The following MAP4K4 variants were observed in gnomAD, a reference collection of about 807,000 sequenced individuals.
MAP4K4 encodes the protein mitogen-activated protein kinase kinase kinase kinase 4.
Under a neutral mutation model 189.6 loss-of-function variants are expected in MAP4K4, and 38 were observed. The ratio of observed to expected loss-of-function variants is 0.20; its 90% confidence interval spans 0.15 to 0.26. The LOEUF (loss-of-function observed/expected upper bound fraction) is 0.26. Ranked by LOEUF, MAP4K4 falls within the 10% of genes least tolerant of loss-of-function variation. MAP4K4 has a pLI of 1.00. For missense variants in MAP4K4, 1,054 were observed against 1,726.9 expected (o/e 0.61, Z 6.91); for synonymous variants, 610 against 624.3 (o/e 0.98, Z 0.34).
At chr2:101,863,768 A>C in intron 16 of MAP4K4, 53 bp from the exon 17 acceptor site, 1 of 1,254,790 alleles carries the variant, frequency 8.0e-7, no homozygotes, top group Non-Finnish European at 1.1e-6. Context: ...TGACCAGAAA[A>C]GCCAGTTTTA....
chr2:101,792,411 C>T (rs1392765777), intron 3 of MAP4K4, among the ~76,000 whole-genome samples: 2 of 152,116 alleles, frequency 1.3e-5, no homozygotes, highest in East Asian at 1.9e-4. Context: ...GGTCAGGATA[C>T]GTCCTCTTTC....
At chr2:101,792,607 C>G (rs1008881253) in intron 3 of MAP4K4, among the ~76,000 whole-genome samples, 1 of 142,406 alleles carries the variant, frequency 7.0e-6, no homozygotes, top group East Asian at 2.0e-4. Flanking sequence ...TCTCCTCCTC[C>G]TCCTCCTCCT....
At chr2:101,698,447 T>A (rs780370584) in intron 1 of MAP4K4, 26 bp from the exon 2 acceptor site, 1 of 1,601,842 alleles carries the variant, frequency 6.2e-7, no homozygotes. Context: ...TTTTAAATGA[T>A]AACCCCTCCC....
At chr2:101,892,909 C>T (rs1477015440) in exon 33 of MAP4K4, 1 of 456,414 alleles carries the variant, frequency 2.2e-6, no homozygotes, top group Non-Finnish European at 4.4e-6. Context: ...TTACTTTCCT[C>T]TTGTCGAGTT....
At chr2:101,840,659 T>C (rs550796615) in intron 10 of MAP4K4, among the ~76,000 whole-genome samples, 7 of 152,362 alleles carry the variant, frequency 4.6e-5, no homozygotes, top group African/African-American at 1.4e-4. Flanking sequence ...CTGAGGCTGC[T>C]AGCTCACATT....
rs1465408748 is a variant in MAP4K4 at position 101,831,649 on chromosome 2, G to A, written c.509-72G>A. ...TACTATGAAGACATTTCCTCCTTGT[G>A]TTTTTTCCCAAGTATATCTGGTTTG... On this transcript the variant is annotated intron_variant, in intron 6 of 32. Transcript: ENST00000324219. 10 of 1,498,476 alleles carry A rather than the reference G, an allele frequency of 6.7e-6. No individual in the cohort carries two copies. The East Asian group carries it at 2.4e-4, about 37-fold the overall frequency. The allele number at this position is 1,498,476 out of a possible 1,614,324, so 92.8% of individuals were successfully genotyped here. A position where few individuals can be genotyped will look rare whatever the true frequency, so the allele number is the denominator to read the frequency against.
At chr2:101,886,370 A>G (rs887596765) in intron 29 of MAP4K4, among the ~76,000 whole-genome samples, 1 of 118,766 alleles carries the variant, frequency 8.4e-6, no homozygotes, top group Non-Finnish European at 1.8e-5. Context: ...TAGTCTAGTC[A>G]GAAAATTAGA....
At chr2:101,840,258 T>A (rs1274701084) in intron 10 of MAP4K4, among the ~76,000 whole-genome samples, 1 of 152,076 alleles carries the variant, frequency 6.6e-6, no homozygotes, top group Non-Finnish European at 1.5e-5. Flanking sequence ...GAGGGTCACG[T>A]TGTTGCTGCC....
At chr2:101,820,276 A>G (rs12615778) in intron 3 of MAP4K4, among the ~76,000 whole-genome samples, 37,966 of 152,128 alleles carry the variant, frequency 0.25, 5,549 homozygotes, top group Non-Finnish European at 0.31. Flanking sequence ...ATAGGGAACA[A>G]TGACCCTGGA....
chr2:101,855,173 G>A (rs573722487), intron 12 of MAP4K4, among the ~76,000 whole-genome samples: 27 of 152,322 alleles, frequency 1.8e-4, no homozygotes, highest in Admixed American at 1.6e-3. Context: ...GGCTGAGTGA[G>A]TCTGGTGATT....
intron 3 of MAP4K4, among the ~76,000 whole-genome samples, chr2:101,817,419 C>T (rs1048667734): frequency 1.3e-5 from 2 of 152,116 alleles, no homozygotes; most frequent in East Asian, 1.9e-4. Context: ...GCATCAGTCT[C>T]CCAAAGTTGT....
At chr2:101,846,984 G>A (rs2097129681) in intron 12 of MAP4K4, among the ~76,000 whole-genome samples, 1 of 152,136 alleles carries the variant, frequency 6.6e-6, no homozygotes, top group Non-Finnish European at 1.5e-5. Context: ...GATATAAAGT[G>A]GCCTACTATT....
intron 21 of MAP4K4, 93 bp downstream of exon 21, chr2:101,868,130 T>C: frequency 7.4e-7 from 1 of 1,343,256 alleles, no homozygotes. Context: ...TGCTCCTTCC[T>C]CAACTTGACT....
At chr2:101,787,101 A>T (rs1413447331) in intron 2 of MAP4K4, among the ~76,000 whole-genome samples, 2 of 152,188 alleles carry the variant, frequency 1.3e-5, no homozygotes, top group Non-Finnish European at 2.9e-5. Context: ...AATGGATGAT[A>T]CAAGGGAAAA....
intron 12 of MAP4K4, among the ~76,000 whole-genome samples, chr2:101,855,751 A>G (rs749430099): frequency 9.9e-5 from 15 of 152,190 alleles, no homozygotes; most frequent in Non-Finnish European, 1.6e-4. Flanking sequence ...AAATGAAACT[A>G]AACCCTATAA....
intron 20 of MAP4K4, 95 bp downstream of exon 20, chr2:101,867,404 C>G (rs1462828255): frequency 1.2e-6 from 1 of 852,320 alleles, no homozygotes; most frequent in Non-Finnish European, 1.9e-6. Flanking sequence ...GTCTTTTCTG[C>G]GAGGGCCCCT....
intron 23 of MAP4K4, 94 bp downstream of exon 23, chr2:101,870,509 CA>C (rs981173060): frequency 6.6e-7 from 1 of 1,512,346 alleles, no homozygotes; most frequent in African/African-American, 1.4e-5. Context: ...TCTCCATCAT[CA>C]TCTGTTTTCA....
chr2:101,884,290 C>T (rs1036376736), intron 28 of MAP4K4, among the ~76,000 whole-genome samples: 1 of 152,108 alleles, frequency 6.6e-6, no homozygotes, highest in African/African-American at 2.4e-5. Flanking sequence ...TCTAAGTGTG[C>T]AATAGCCCCA....
intron 2 of MAP4K4, among the ~76,000 whole-genome samples, chr2:101,736,185 CCTAA>C (rs1273601230): frequency 6.6e-6 from 1 of 152,246 alleles, no homozygotes; most frequent in Non-Finnish European, 1.5e-5. Flanking sequence ...TGATCTGCTC[CCTAA>C]CTTTCAGCTG....
Sources: gnomAD v4.1 joint callset for allele counts (sites outside exome capture counted in the v4.1 genomes callset) on GRCh38, gnomAD v4.1.1 for gene constraint, MANE v1.5 for transcripts, NCBI Gene and HGNC (gene_info 2026-07-23, HGNC 2026-07-21) for gene names.